Variants in NRXN3 observed in about 807,000 individuals in gnomAD.
NRXN3 encodes neurexin 3.
NRXN3 carries 32 observed loss-of-function variants against 137.6 expected under a neutral mutation model. The observed-to-expected ratio is 0.23, with a 90% CI of 0.18 to 0.31. The LOEUF (loss-of-function observed/expected upper bound fraction) is 0.31. Among genes scored for constraint, NRXN3 ranks in the 10% least tolerant of loss-of-function variants. NRXN3 has a pLI of 1.00. For synonymous variants in NRXN3, 798 were observed against 784.5 expected (o/e 1.02, Z -0.29); for missense variants, 1,574 against 2,062.5 (o/e 0.76, Z 4.59).
chr14:79,681,020 T>C (rs1256196206), intron 17 of NRXN3, among the ~76,000 whole-genome samples: 1 of 152,154 alleles, frequency 6.6e-6, no homozygotes, highest in Non-Finnish European at 1.5e-5. Context: ...TCTCCAATTT[T>C]CCTTCCCTTT....
intron 8 of NRXN3, among the ~76,000 whole-genome samples, chr14:78,778,442 G>A (rs2098751829): frequency 6.6e-6 from 1 of 152,122 alleles, no homozygotes; most frequent in African/African-American, 2.4e-5. Flanking sequence ...ACAATTATTG[G>A]TCAGATGCAC....
chr14:79,002,038 A>C (rs2099542413), intron 15 of NRXN3, among the ~76,000 whole-genome samples: 1 of 152,176 alleles, frequency 6.6e-6, no homozygotes, highest in South Asian at 2.1e-4. Context: ...TTTCCTAGAG[A>C]ATCAACTTTC....
At chr14:78,740,570 A>T (rs865839491) in intron 8 of NRXN3, among the ~76,000 whole-genome samples, 1 of 145,308 alleles carries the variant, frequency 6.9e-6, no homozygotes, top group Non-Finnish European at 1.5e-5. Flanking sequence ...CACATTAGCC[A>T]TTAACCCTGC....
chr14:78,565,627 G>T (rs2096829271), intron 4 of NRXN3, among the ~76,000 whole-genome samples: 1 of 152,154 alleles, frequency 6.6e-6, no homozygotes, highest in Non-Finnish European at 1.5e-5. Flanking sequence ...ACCTTATAAG[G>T]TTGCTATGAG....
At chr14:79,704,413 T>A (rs540349764) in intron 19 of NRXN3, among the ~76,000 whole-genome samples, 1 of 152,238 alleles carries the variant, frequency 6.6e-6, no homozygotes, top group South Asian at 2.1e-4. Context: ...CAAAACTGGT[T>A]ATATTTACCC....
intron 1 of NRXN3, among the ~76,000 whole-genome samples, chr14:78,206,283 A>G (rs1442602871): frequency 6.6e-6 from 1 of 152,196 alleles, no homozygotes; most frequent in Non-Finnish European, 1.5e-5. Flanking sequence ...CATTCCTGTG[A>G]AGTGGACTAG....
At chr14:78,193,648 G>A (rs1038376425) in intron 1 of NRXN3, among the ~76,000 whole-genome samples, 1 of 151,636 alleles carries the variant, frequency 6.6e-6, no homozygotes, top group Non-Finnish European at 1.5e-5. Context: ...TGTAACTCCA[G>A]CTACTCAGGA....
chr14:78,735,445 A>T (rs1163961259), intron 8 of NRXN3, among the ~76,000 whole-genome samples: 1 of 152,192 alleles, frequency 6.6e-6, no homozygotes, highest in Non-Finnish European at 1.5e-5. Flanking sequence ...TGCTGTCACC[A>T]GCTGATTCCC....
chr14:79,534,610 C>T (rs1010222511), intron 16 of NRXN3, among the ~76,000 whole-genome samples: 6 of 151,902 alleles, frequency 3.9e-5, no homozygotes, highest in African/African-American at 1.5e-4. Flanking sequence ...AGTTTAAAAA[C>T]AGATTCATGG....
At chr14:78,965,370 G>A (rs1029374300) in intron 11 of NRXN3, among the ~76,000 whole-genome samples, 8 of 152,122 alleles carry the variant, frequency 5.3e-5, no homozygotes, top group African/African-American at 1.2e-4. Flanking sequence ...TGTAATGACC[G>A]CTTTTTAAGT....
At chr14:79,750,779 A>G (rs544414360) in intron 19 of NRXN3, among the ~76,000 whole-genome samples, 71 of 152,252 alleles carry the variant, frequency 4.7e-4, no homozygotes, top group African/African-American at 1.6e-3. Context: ...CTCATTAGCC[A>G]TCTTTGACTT....
intron 10 of NRXN3, among the ~76,000 whole-genome samples, chr14:78,921,247 A>G (rs187938847): frequency 1.3e-4 from 20 of 152,340 alleles, no homozygotes; most frequent in Non-Finnish European, 1.9e-4. Flanking sequence ...TACACTACAC[A>G]CAGCCATATG....
At chr14:78,759,493 T>C (rs7154021) in intron 8 of NRXN3, among the ~76,000 whole-genome samples, 25,836 of 152,152 alleles carry the variant, frequency 0.17, 3,930 homozygotes, top group African/African-American at 0.41. Flanking sequence ...TACATAAATA[T>C]ATCGCTGAGT....
chr14:78,500,109 T>C (rs1424492175), intron 4 of NRXN3, among the ~76,000 whole-genome samples: 1 of 152,122 alleles, frequency 6.6e-6, no homozygotes, highest in Non-Finnish European at 1.5e-5. Context: ...TTTAGATGCT[T>C]TATTTTGCCT....
intron 20 of NRXN3, among the ~76,000 whole-genome samples, chr14:79,850,809 G>T (rs920992349): frequency 1.3e-5 from 2 of 152,166 alleles, no homozygotes; most frequent in Admixed American, 1.3e-4. Context: ...ATGTCATTTT[G>T]TATCTTAGAG....
At chr14:79,821,303 C>CTAT (rs1295982426) in intron 20 of NRXN3, among the ~76,000 whole-genome samples, 1 of 152,050 alleles carries the variant, frequency 6.6e-6, no homozygotes, top group African/African-American at 2.4e-5. Context: ...CTAGCTTTCC[C>CTAT]TATAAAGCAA....
chr14:79,512,657 C>G (rs1049945875), intron 16 of NRXN3, among the ~76,000 whole-genome samples: 1 of 152,124 alleles, frequency 6.6e-6, no homozygotes, highest in African/African-American at 2.4e-5. Flanking sequence ...ACAAACAAGG[C>G]TAGTCCACAA....
chr14:78,971,441 T>TAC (rs35943996), intron 14 of NRXN3, among the ~76,000 whole-genome samples: 18 of 142,616 alleles, frequency 1.3e-4, no homozygotes, highest in East Asian at 2.7e-4. Flanking sequence ...TATATATATA[T>TAC]ACACACACAC....
At chr14:79,638,034 A>G (rs1200198944) in intron 16 of NRXN3, among the ~76,000 whole-genome samples, 1 of 151,802 alleles carries the variant, frequency 6.6e-6, no homozygotes, top group Admixed American at 6.6e-5. Flanking sequence ...CTGGCCTTAT[A>G]AAGTTCCTCC....
Sources: gnomAD v4.1 joint callset for allele counts (sites outside exome capture counted in the v4.1 genomes callset) on GRCh38, gnomAD v4.1.1 for gene constraint, MANE v1.5 for transcripts, NCBI Gene and HGNC (gene_info 2026-07-23, HGNC 2026-07-21) for gene names.